The following ARL8B variants were observed in gnomAD, a reference collection of about 807,000 sequenced individuals.
The protein encoded by ARL8B is ADP-ribosylation factor-like protein 8B.
ARL8B carries 9 observed loss-of-function variants against 30.6 expected under a neutral mutation model. The ratio of observed to expected loss-of-function variants is 0.29; its 90% CI spans 0.18 to 0.51. The LOEUF is 0.51. Among genes scored for constraint, ARL8B ranks in the 20% least tolerant of loss-of-function variants. The pLI, the probability that ARL8B is intolerant of heterozygous loss-of-function variation, is 0.97. For missense variants in ARL8B, 130 were observed against 227.2 expected (o/e 0.57, Z 2.75); for synonymous variants, 74 against 76.0 (o/e 0.97, Z 0.14).
chr3:5,132,091 A>G (rs942070926), intron 1 of ARL8B, among the ~76,000 whole-genome samples: 1 of 152,006 alleles, frequency 6.6e-6, no homozygotes, highest in Non-Finnish European at 1.5e-5. Context: ...ATCTTGCTGT[A>G]TTGCTCAGGC....
intron 5 of ARL8B, 32 bp from the exon 6 acceptor site, chr3:5,174,312 G>A: frequency 6.9e-7 from 1 of 1,454,200 alleles, no homozygotes; most frequent in Non-Finnish European, 9.7e-7. Flanking sequence ...GCTGTTCTAA[G>A]CACAGACTTA....
chr3:5,167,261 A>AT (rs1041384982), intron 1 of ARL8B, among the ~76,000 whole-genome samples: 7 of 152,182 alleles, frequency 4.6e-5, no homozygotes, highest in African/African-American at 1.7e-4. Context: ...GCCACGTGTG[A>AT]TCATGGCATT....
intron 1 of ARL8B, among the ~76,000 whole-genome samples, chr3:5,126,572 G>C (rs2054231759): frequency 6.6e-6 from 1 of 152,092 alleles, no homozygotes; most frequent in African/African-American, 2.4e-5. Flanking sequence ...TTATATGTAG[G>C]GTTTGGTTTG....
At chr3:5,125,900 A>G (rs763599912) in intron 1 of ARL8B, among the ~76,000 whole-genome samples, 16 of 152,204 alleles carry the variant, frequency 1.1e-4, no homozygotes, top group Non-Finnish European at 2.2e-4. Context: ...AAGAAAAAAA[A>G]AGTCACAAAG....
Position 5,164,111 on chromosome 3 carries a change from G to A in ARL8B, c.124-6392G>A, listed in dbSNP as rs2054604581. Reference sequence around the variant, plus strand: ...TTGTTCCCCACCCCCTATATATTAGGTGTTTGAATTCCATGAATACTGTAT... The same window carrying A: ...TTGTTCCCCACCCCCTATATATTAGATGTTTGAATTCCATGAATACTGTAT... On this transcript the variant is annotated intron_variant, in intron 1 of 6. Coordinates refer to ENST00000256496, the MANE Select transcript of ARL8B (RefSeq NM_018184.3). 2.0e-5 allele frequency among the ~76,000 whole-genome samples: 3 copies of A among 152,068 alleles called. No individual in the cohort carries two copies. In the South Asian group the frequency reaches 6.2e-4, roughly 32 times the overall value.
rs375903438 is a variant in ARL8B at position 5,139,987 on chromosome 3, G to GTTT, written c.123+17414_123+17416dup. Reference sequence around the variant, plus strand: ...CACTACACAAGATGTGATTAGTTTTGTTTTTTTTTTTTTTTTTGAGACGGA... The same window carrying GTTT: ...CACTACACAAGATGTGATTAGTTTTGTTTTTTTTTTTTTTTTTTTTGAGACGGA... On this transcript the variant is annotated intron_variant, in intron 1 of 6. Coordinates refer to ENST00000256496, the MANE Select transcript of ARL8B (RefSeq NM_018184.3). Among the ~76,000 whole-genome samples, 279 of 130,020 alleles carry GTTT rather than the reference G, an allele frequency of 2.1e-3. 5 individuals are homozygous for GTTT. Among genetic ancestry groups the GTTT allele is most frequent in the African/African-American group, 7.5e-3 (257 of 34,470 alleles). 85.3% of individuals were successfully genotyped at this position (130,020 alleles called of 152,430 possible).
chr3:5,165,891 GAAC>G (rs1283303627), intron 1 of ARL8B, among the ~76,000 whole-genome samples: 1 of 152,210 alleles, frequency 6.6e-6, no homozygotes, highest in African/African-American at 2.4e-5. Flanking sequence ...GAAAGCACTA[GAAC>G]ATATGAAGAG....
chr3:5,132,797 G>T (rs1192391949), intron 1 of ARL8B, among the ~76,000 whole-genome samples: 1 of 152,152 alleles, frequency 6.6e-6, no homozygotes, highest in Admixed American at 6.5e-5. Context: ...ACCAGACAAG[G>T]TCATTTATGG....
At chr3:5,138,286 C>CT (rs1425083535) in intron 1 of ARL8B, among the ~76,000 whole-genome samples, 1 of 151,114 alleles carries the variant, frequency 6.6e-6, no homozygotes, top group Non-Finnish European at 1.5e-5. Context: ...GTTCAGCAGT[C>CT]TAACATTGAC....
intron 1 of ARL8B, among the ~76,000 whole-genome samples, chr3:5,169,105 A>G (rs1220064851): frequency 2.6e-5 from 4 of 152,198 alleles, no homozygotes; most frequent in Non-Finnish European, 4.4e-5. Context: ...TACATAAAAC[A>G]CAAAGTATCA....
intron 1 of ARL8B, among the ~76,000 whole-genome samples, chr3:5,131,390 A>AG (rs1210470875): frequency 7.8e-6 from 1 of 128,440 alleles, no homozygotes; most frequent in African/African-American, 3.5e-5. Context: ...AAAAAAATTA[A>AG]AAAATTTTTT....
chr3:5,123,947 C>G (rs1344600378), intron 1 of ARL8B, among the ~76,000 whole-genome samples: 1 of 152,150 alleles, frequency 6.6e-6, no homozygotes, highest in Non-Finnish European at 1.5e-5. Context: ...GATCTCAGCT[C>G]ACTGCAACCT....
chr3:5,149,054 C>T (rs536244876), intron 1 of ARL8B, among the ~76,000 whole-genome samples: 1 of 152,308 alleles, frequency 6.6e-6, no homozygotes, highest in East Asian at 1.9e-4. Context: ...CTGTTTGCGT[C>T]GCAGGAGAAC....
chr3:5,136,768 T>A (rs1490856389), intron 1 of ARL8B, among the ~76,000 whole-genome samples: 1 of 150,804 alleles, frequency 6.6e-6, no homozygotes, highest in Non-Finnish European at 1.5e-5. Flanking sequence ...ATGGAGAGAC[T>A]GAGACGCCCA....
At chr3:5,149,125 A>G (rs1200640964) in intron 1 of ARL8B, among the ~76,000 whole-genome samples, 1 of 152,208 alleles carries the variant, frequency 6.6e-6, no homozygotes, top group Non-Finnish European at 1.5e-5. Context: ...AGTTGCACAC[A>G]CTTGACCTCT....
At chr3:5,140,873 C>CA (rs1287628310) in intron 1 of ARL8B, among the ~76,000 whole-genome samples, 1 of 152,144 alleles carries the variant, frequency 6.6e-6, no homozygotes, top group African/African-American at 2.4e-5. Context: ...GACTTGGAGA[C>CA]ATGAAGAACA....
At chr3:5,129,332 G>A (rs541587138) in intron 1 of ARL8B, among the ~76,000 whole-genome samples, 1 of 152,002 alleles carries the variant, frequency 6.6e-6, no homozygotes, top group Non-Finnish European at 1.5e-5. Context: ...TTGCCACCTC[G>A]CCCAGCTAAT....
At chr3:5,167,069 T>C (rs796177468) in intron 1 of ARL8B, among the ~76,000 whole-genome samples, 4 of 152,334 alleles carry the variant, frequency 2.6e-5, no homozygotes, top group African/African-American at 9.6e-5. Flanking sequence ...AGTTAGTAAG[T>C]AGCATAATTG....
intron 1 of ARL8B, among the ~76,000 whole-genome samples, chr3:5,146,688 G>A (rs915999248): frequency 6.6e-6 from 1 of 152,062 alleles, no homozygotes; most frequent in African/African-American, 2.4e-5. Flanking sequence ...CTCACAATCA[G>A]GTCTCCACCC....
Sources: gnomAD v4.1 joint callset for allele counts (sites outside exome capture counted in the v4.1 genomes callset) on GRCh38, gnomAD v4.1.1 for gene constraint, MANE v1.5 for transcripts, NCBI Gene and HGNC (gene_info 2026-07-23, HGNC 2026-07-21) for gene names.